CTR9: variants seen among roughly 807,000 people sequenced by gnomAD.
The protein encoded by CTR9 is CTR9 component of Paf1/RNA polymerase II complex.
CTR9 carries 41 observed loss-of-function variants against 152.1 expected under a neutral mutation model. That is an observed-to-expected ratio of 0.27 (90% CI 0.21 to 0.35). The LOEUF (loss-of-function observed/expected upper bound fraction) is 0.35. Ranked by LOEUF, CTR9 falls within the 10% of genes least tolerant of loss-of-function variation. The pLI, the probability that CTR9 is intolerant of heterozygous loss-of-function variation, is 1.00. For synonymous variants in CTR9, 476 were observed against 496.2 expected, an observed-to-expected ratio of 0.96 and a Z score of 0.54; for missense variants, 917 against 1,424.4, an observed-to-expected ratio of 0.64 and a Z score of 5.73.
chr11:10,760,169 A>G lies in CTR9; in HGVS notation c.593-4A>G. ...TTGATAGATTGAATGACTTCATTTTATAGCGGAAGTTCGTTTAGGAATGGG... is the reference window on the plus strand; with the variant it reads ...TTGATAGATTGAATGACTTCATTTTGTAGCGGAAGTTCGTTTAGGAATGGG... On this transcript the variant is annotated splice_polypyrimidine_tract_variant and splice_region_variant and intron_variant, in intron 5 of 24. Coordinates refer to ENST00000361367, the MANE Select transcript of CTR9 (RefSeq NM_014633.5). 2.5e-6 allele frequency: 4 copies of G among 1,612,592 alleles called. No individual in the cohort carries two copies. Among genetic ancestry groups the G allele is most frequent in the Non-Finnish European group, 3.4e-6 (4 of 1,179,028 alleles).
intron 21 of CTR9, 145 bp downstream of exon 21, chr11:10,773,418 G>T: frequency 1.1e-6 from 1 of 936,360 alleles, no homozygotes; most frequent in Non-Finnish European, 1.6e-6. Flanking sequence ...CACAGAGAAT[G>T]ATTTAAATGG....
At chr11:10,757,216 T>G (rs1590018235) in intron 5 of CTR9, among the ~76,000 whole-genome samples, 1 of 151,936 alleles carries the variant, frequency 6.6e-6, no homozygotes. Context: ...GTCTGGGAGG[T>G]TGAGGCTGCA....
At position 10,768,132 on chromosome 11, in the gene CTR9, C is replaced by G. The variant is rs77866426; in HGVS notation, c.1931C>G (p.Ala644Gly). The G allele has an allele frequency of 6.2e-7, 1 of 1,613,934 alleles. No homozygotes were observed. The highest frequency in any genetic ancestry group is 1.1e-5 in the South Asian group (1 of 91,080). Residue 644 changes from alanine (A) to glycine (G), a missense_variant, in exon 15 of 25, where the codon GCA becomes GGA. Ala to Gly is a moderately conservative substitution (Grantham distance 60). Coordinates refer to ENST00000361367, the MANE Select transcript of CTR9 (RefSeq NM_014633.5). ...AIYKQVLRND[A>G]KNLYAANGIG... The stretch of plus-strand genomic sequence containing the variant: ...TACAAACAAGTACTCAGAAATGATG[C>G]AAAGAATCTGTATGCTGCCAATGGC...
In CTR9 at chr11:10,767,746, A is replaced by G. The variant is rs1373381968; in HGVS notation, c.1687-60A>G. 1.3e-5 allele frequency: 18 copies of G among 1,405,246 alleles called. No individual in the cohort carries two copies. The highest frequency in any genetic ancestry group is 4.3e-5 in the African/African-American group (3 of 70,466). The allele number at this position is 1,405,246 out of a possible 1,614,324, so 87.0% of individuals were successfully genotyped here. A position where few individuals can be genotyped will look rare whatever the true frequency, so the allele number is the denominator to read the frequency against. ...TTCAGTAATCAGCTATTGTGGGAAG[A>G]TGATTGATCTCTGTCAAACTAAACT... On this transcript the variant is annotated intron_variant, in intron 13 of 24. Transcript: ENST00000361367. The surrounding 1 kb of genome is among the most constrained non-coding windows in gnomAD (Gnocchi z 4.0).
intron 19 of CTR9, 50 bp downstream of exon 19, chr11:10,771,666 A>T: frequency 7.3e-7 from 1 of 1,371,830 alleles, no homozygotes. Flanking sequence ...AGTGATATTT[A>T]CATGGGCTGG....
chr11:10,768,482 C>A lies in CTR9; in HGVS notation c.2100C>A (p.Ala700=), dbSNP rs201784129. The part of the protein sequence containing the change: ...IYVEQKQYIS[A]VQMYENCLRK... ...TGGAGCAAAAGCAGTACATCAGCGC[C>A]GTTCAGATGGTAATAGCTTCTCTTT... is the stretch of plus-strand genomic sequence containing the variant. The change falls in exon 16 of 25, where the codon GCC becomes GCA. Residue 700 remains alanine, a synonymous_variant. Transcript: ENST00000361367. 5.0e-6 allele frequency: 8 copies of A among 1,599,158 alleles called. No individual in the cohort carries two copies. The South Asian group carries it at 5.7e-5, about 11-fold the overall frequency.
Position 10,764,403 on chromosome 11 carries a change from C to A in CTR9, c.1380C>A (p.Leu460=), listed in dbSNP as rs375046521. ...PPEILNNVGA[L]HFRLGNLGEA... Reference sequence around the variant, plus strand: ...AGATTCTCAATAATGTGGGTGCCCTCCATTTTAGACTTGGAAACCTAGGGG... The same window carrying A: ...AGATTCTCAATAATGTGGGTGCCCTACATTTTAGACTTGGAAACCTAGGGG... The change falls in exon 11 of 25, where the codon CTC becomes CTA. Residue 460 remains leucine (L), a synonymous_variant. Transcript: ENST00000361367. 9.9e-6 allele frequency: 16 copies of A among 1,613,842 alleles called. No individual in the cohort carries two copies. The highest frequency in any genetic ancestry group is 1.2e-5 in the Non-Finnish European group (14 of 1,179,980).
intron 24 of CTR9, among the ~76,000 whole-genome samples, chr11:10,777,974 C>A (rs1398116810): frequency 1.3e-5 from 2 of 152,210 alleles, no homozygotes; most frequent in Non-Finnish European, 2.9e-5. Context: ...GAAGCCAAGA[C>A]TCTGAGGGTG....
intron 4 of CTR9, 125 bp from the exon 5 acceptor site, chr11:10,756,624 T>A: frequency 5.0e-6 from 3 of 596,664 alleles, no homozygotes; most frequent in Non-Finnish European, 5.6e-6. Context: ...TAATATGAAA[T>A]TTTGTTCTGT....
rs1168734299 is a variant in CTR9 at position 10,773,217 on chromosome 11, T to C, written c.2671T>C (p.Phe891Leu). The C allele has an allele frequency of 6.2e-7, 1 of 1,612,882 alleles. No homozygotes were observed. Among genetic ancestry groups the C allele is most frequent in the African/African-American group, 1.3e-5 (1 of 74,784 alleles). ...GGAGAAGACCAAAAATATTCTTATG[T>C]TTACTGGTGAGACTGAAGCAACAAA... ...YVEKTKNILM[F>L]TGETEATKEK... The change falls in exon 21 of 25, where the codon TTT (phenylalanine) becomes CTT (leucine). Residue 891 changes from phenylalanine (F) to leucine (L), a missense_variant. This residue lies in a region of CTR9 where 384 missense variants were observed against 398.4 expected (regional missense o/e 0.96). Coordinates refer to ENST00000361367, the MANE Select transcript of CTR9 (RefSeq NM_014633.5).
intron 24 of CTR9, among the ~76,000 whole-genome samples, chr11:10,778,205 G>A (rs1375481480): frequency 6.6e-6 from 1 of 152,184 alleles, no homozygotes; most frequent in Non-Finnish European, 1.5e-5. Context: ...TGTTAGCACC[G>A]ATGGCAATAG....
chr11:10,766,020 A>G (rs894189718), intron 12 of CTR9, among the ~76,000 whole-genome samples: 1 of 152,174 alleles, frequency 6.6e-6, no homozygotes. Context: ...TATTCATCAG[A>G]CTTTCACTGT....
At position 10,762,079 on chromosome 11, in the gene CTR9, C is replaced by A. The variant is rs375558859; in HGVS notation, c.849+25C>A. Reference sequence around the variant, plus strand: ...GGTAGAAGTCATTTATTTTTAAATTCTGATTTTTGTTTTTCTGTACTGCAA... The same window carrying A: ...GGTAGAAGTCATTTATTTTTAAATTATGATTTTTGTTTTTCTGTACTGCAA... On this transcript the variant is annotated intron_variant, in intron 7 of 24. Transcript: ENST00000361367. 2.8e-6 allele frequency: 4 copies of A among 1,423,574 alleles called. No homozygotes were observed. The African/African-American group carries it at 5.8e-5, about 21-fold the overall frequency. 88.2% of individuals were successfully genotyped at this position (1,423,574 alleles called of 1,614,324 possible).
Position 10,767,080 on chromosome 11 carries a change from TA to T in CTR9, c.1686+593del, listed in dbSNP as rs1376251681. On this transcript the variant is annotated intron_variant, in intron 13 of 24. Transcript: ENST00000361367. The surrounding 1 kb of genome is among the most constrained non-coding windows in gnomAD (Gnocchi z 4.0). Reference sequence around the variant, plus strand: ...ACTATGCAGATAACTAAAGACTAACTAAATGGATTTTACAACTTACTAATGG... The same window carrying T: ...ACTATGCAGATAACTAAAGACTAACTAATGGATTTTACAACTTACTAATGG... 6.5e-6 allele frequency: 1 copy of T among 152,694 alleles called. No individual in the cohort carries two copies. The highest frequency in any genetic ancestry group is 1.5e-5 in the Non-Finnish European group (1 of 68,186). 9.5% of individuals were successfully genotyped at this position (152,694 alleles called of 1,614,324 possible).
chr11:10,776,573 T>C (rs551785109), intron 24 of CTR9, among the ~76,000 whole-genome samples: 1 of 152,288 alleles, frequency 6.6e-6, no homozygotes, highest in Non-Finnish European at 1.5e-5. Context: ...GAACATCGAG[T>C]GTGTGAGACA....
Position 10,768,485 on chromosome 11 carries a change from T to G in CTR9, c.2103T>G (p.Val701=), listed in dbSNP as rs1863094151. 1 of 1,598,564 alleles carries G rather than the reference T, an allele frequency of 6.3e-7. No individual in the cohort carries two copies. Among genetic ancestry groups the G allele is most frequent in the African/African-American group, 1.4e-5 (1 of 74,068 alleles). ...AGCAAAAGCAGTACATCAGCGCCGT[T>G]CAGATGGTAATAGCTTCTCTTTCAA... ...YVEQKQYISA[V]QMYENCLRKF... The change falls in exon 16 of 25, where the codon GTT becomes GTG. Residue 701 remains valine (V), a synonymous_variant. Transcript: ENST00000361367.
At chr11:10,756,324 G>GT (rs1269792644) in intron 4 of CTR9, among the ~76,000 whole-genome samples, 1 of 152,162 alleles carries the variant, frequency 6.6e-6, no homozygotes. Flanking sequence ...GGTCATGGGG[G>GT]TTTGTTGTGC....
chr11:10,756,056 C>T (rs1862878846), intron 4 of CTR9, among the ~76,000 whole-genome samples: 1 of 152,058 alleles, frequency 6.6e-6, no homozygotes, highest in Non-Finnish European at 1.5e-5. Flanking sequence ...ACCTGTAATC[C>T]CAGCGCTTTG....
intron 18 of CTR9, 21 bp downstream of exon 18, chr11:10,770,653 A>G (rs374149468): frequency 1.7e-5 from 27 of 1,597,506 alleles, no homozygotes; most frequent in Admixed American, 7.0e-5. Flanking sequence ...TGTAGAAACA[A>G]CCTATGAAAT....
Sources: allele counts gnomAD v4.1 joint callset (sites outside exome capture counted in the v4.1 genomes callset), GRCh38; gene constraint gnomAD v4.1.1; regional missense constraint gnomAD v4.1.1; non-coding constraint Gnocchi (gnomAD v3.1); transcripts MANE v1.5; gene names NCBI Gene and HGNC (gene_info 2026-07-23, HGNC 2026-07-21).